The following SULT1C3 variants were observed in gnomAD, a reference collection of about 807,000 sequenced individuals.
SULT1C3 encodes sulfotransferase family 1C member 3, also known as sulfotransferase 1C3.
SULT1C3 carries 31 observed loss-of-function variants against 28.4 expected under a neutral mutation model. The observed-to-expected ratio is 1.09, with a 90% CI of 0.82 to 1.47. SULT1C3 has a LOEUF of 1.47. Among genes scored for constraint, SULT1C3 ranks in the 40% most tolerant of loss-of-function variants. The pLI is 0.00. For missense variants in SULT1C3, 307 were observed against 272.5 expected (o/e 1.13, Z -0.89); for synonymous variants, 106 against 92.2 (o/e 1.15, Z -0.86).
intron 7 of SULT1C3, 44 bp from the exon 8 acceptor site, chr2:108,260,524 G>C (rs1421979883): frequency 2.1e-6 from 1 of 481,456 alleles, no homozygotes; most frequent in Non-Finnish European, 4.2e-6. Context: ...AGGTTAGGTG[G>C]AATGGGTGCA....
intron 1 of SULT1C3, among the ~76,000 whole-genome samples, chr2:108,242,074 C>G (rs1377944235): frequency 6.6e-6 from 1 of 152,166 alleles, no homozygotes; most frequent in Non-Finnish European, 1.5e-5. Context: ...CCTTACTTAT[C>G]TGTAAAGCAG....
intron 5 of SULT1C3, among the ~76,000 whole-genome samples, chr2:108,256,852 G>A (rs919783531): frequency 6.6e-6 from 1 of 152,002 alleles, no homozygotes; most frequent in African/African-American, 2.4e-5. Flanking sequence ...AAATTAAAAA[G>A]GACTGACAGA....
chr2:108,247,225 ATGGAAAAAAAGCCAGAAC>A lies in SULT1C3; in HGVS notation c.34_51del (p.Glu12_Leu17del). 6.5e-7 allele frequency: 1 copy of A among 1,544,780 alleles called. No homozygotes were observed. Among genetic ancestry groups the A allele is most frequent in the Middle Eastern group, 1.7e-4 (1 of 5,792 alleles). On this transcript the variant is annotated inframe_deletion, in exon 2 of 8. Transcript: ENST00000681802. ...GAAGATTGAGAAAAACGCTCCCACG[ATGGAAAAAAAGCCAGAAC>A]TGTTTAACATCATGGAAGTAGATGG...
intron 4 of SULT1C3, among the ~76,000 whole-genome samples, chr2:108,254,150 A>G (rs756223254): frequency 2.0e-5 from 3 of 151,980 alleles, no homozygotes; most frequent in Non-Finnish European, 4.4e-5. Context: ...GTGGACGAAG[A>G]TGCCTCCATA....
At chr2:108,255,837 C>A in intron 5 of SULT1C3, 139 bp downstream of exon 5, 1 of 1,087,432 alleles carries the variant, frequency 9.2e-7, no homozygotes, top group Non-Finnish European at 1.2e-6. Flanking sequence ...CTGGAGAAGC[C>A]AGGTAGAAGA....
chr2:108,258,900 G>A (rs1675945111), intron 6 of SULT1C3, 66 bp from the exon 7 acceptor site: 3 of 1,233,380 alleles, frequency 2.4e-6, no homozygotes, highest in Non-Finnish European at 3.5e-6. Flanking sequence ...AAAAAGCTGT[G>A]TCTTTAATTG....
At position 108,253,339 on chromosome 2, in the gene SULT1C3, T is replaced by C. The variant is rs184794678; in HGVS notation, c.302-6T>C. 115 of 1,506,668 alleles carry C rather than the reference T, an allele frequency of 7.6e-5. No homozygotes were observed. The African/African-American group carries it at 1.4e-3, about 19-fold the overall frequency. The allele number at this position is 1,506,668 out of a possible 1,614,324, so 93.3% of individuals were successfully genotyped here. ...TAAACAAAGAATATAAATTGTTTCT[T>C]GCTAGATTTGGAGTTCGTTCTTGAA... On this transcript the variant is annotated splice_region_variant and splice_polypyrimidine_tract_variant and intron_variant, in intron 3 of 7. Coordinates refer to ENST00000681802, the MANE Select transcript of SULT1C3 (RefSeq NM_001320878.2).
downstream of SULT1C3, among the ~76,000 whole-genome samples, chr2:108,261,652 T>G (rs2104394672): frequency 6.6e-6 from 1 of 152,076 alleles, no homozygotes; most frequent in Non-Finnish European, 1.5e-5. Context: ...GGGGGGAAAT[T>G]TGGAAAGACT....
chr2:108,242,823 G>A (rs1199568852), intron 1 of SULT1C3, among the ~76,000 whole-genome samples: 3 of 152,272 alleles, frequency 2.0e-5, no homozygotes, highest in Non-Finnish European at 4.4e-5. Context: ...GCTACCAGAA[G>A]TTATCTTTGG....
chr2:108,255,801 GGAGGT>G, intron 5 of SULT1C3, 103 bp downstream of exon 5: 3 of 1,406,098 alleles, frequency 2.1e-6, no homozygotes, highest in Non-Finnish European at 2.8e-6. Context: ...TCCTGATTGA[GGAGGT>G]CCTATCTTGA....
chr2:108,243,646 GAT>G (rs1675520769), intron 1 of SULT1C3, among the ~76,000 whole-genome samples: 1 of 143,012 alleles, frequency 7.0e-6, no homozygotes, highest in Admixed American at 7.1e-5. Context: ...AAAAAAAAAA[GAT>G]ATACTTCCCT....
chr2:108,265,307 A>C, downstream of SULT1C3: 2 of 1,613,968 alleles, frequency 1.2e-6, no homozygotes, highest in Non-Finnish European at 1.7e-6. Flanking sequence ...GGACTACCAG[A>C]AGAAGATGGC....
chr2:108,251,412 T>C (rs1231530900), intron 2 of SULT1C3, among the ~76,000 whole-genome samples: 2 of 151,966 alleles, frequency 1.3e-5, no homozygotes, highest in South Asian at 2.1e-4. Context: ...AATGGAAATA[T>C]GGGCCTTTAC....
intron 1 of SULT1C3, among the ~76,000 whole-genome samples, chr2:108,246,024 G>A (rs913376270): frequency 1.3e-5 from 2 of 152,096 alleles, no homozygotes; most frequent in African/African-American, 2.4e-5. Flanking sequence ...TTTAGGGCAG[G>A]GGCAAAAATG....
At chr2:108,259,792 A>C (rs1284933433) in intron 7 of SULT1C3, among the ~76,000 whole-genome samples, 2 of 152,110 alleles carry the variant, frequency 1.3e-5, no homozygotes, top group Admixed American at 1.3e-4. Context: ...TTCTAGATAC[A>C]TGCAAAAATA....
chr2:108,261,148 G>A (rs145209141), downstream of SULT1C3, among the ~76,000 whole-genome samples: 60 of 152,170 alleles, frequency 3.9e-4, 1 homozygote, highest in East Asian at 0.011. Flanking sequence ...ACATTTCAGA[G>A]TCACCATTTC....
At chr2:108,243,859 T>G (rs1675523974) in intron 1 of SULT1C3, among the ~76,000 whole-genome samples, 1 of 152,198 alleles carries the variant, frequency 6.6e-6, no homozygotes, top group Non-Finnish European at 1.5e-5. Flanking sequence ...TTTTTGGCCC[T>G]TACTCAGGAA....
chr2:108,261,791 T>C (rs556126726), downstream of SULT1C3, among the ~76,000 whole-genome samples: 5 of 152,276 alleles, frequency 3.3e-5, no homozygotes, highest in East Asian at 9.7e-4. Flanking sequence ...GTGATCATTG[T>C]CTCTACCTTA....
chr2:108,250,476 A>G (rs1440646044), intron 2 of SULT1C3, among the ~76,000 whole-genome samples: 1 of 151,964 alleles, frequency 6.6e-6, no homozygotes, highest in Non-Finnish European at 1.5e-5. Context: ...CTAACATGGT[A>G]CTAATGTTGA....
Sources: gnomAD v4.1 joint callset for allele counts (sites outside exome capture counted in the v4.1 genomes callset) on GRCh38, gnomAD v4.1.1 for gene constraint, MANE v1.5 for transcripts, NCBI Gene and HGNC (gene_info 2026-07-23, HGNC 2026-07-21) for gene names.